The following ARHGAP35 variants were observed in gnomAD, a reference collection of about 807,000 sequenced individuals.
ARHGAP35 encodes Rho GTPase activating protein 35, also known as rho GTPase-activating protein 35.
Under a neutral mutation model 111.1 loss-of-function variants are expected in ARHGAP35, and 15 were observed. The observed-to-expected ratio is 0.13, with a 90% CI of 0.09 to 0.21. The LOEUF (loss-of-function observed/expected upper bound fraction) is 0.21. Ranked by LOEUF, ARHGAP35 falls within the 10% of genes least tolerant of loss-of-function variation. The pLI is 1.00. For missense variants in ARHGAP35, 1,262 were observed against 1,873.0 expected (o/e 0.67, Z 6.02); for synonymous variants, 643 against 710.3 (o/e 0.91, Z 1.51).
intron 1 of ARHGAP35, among the ~76,000 whole-genome samples, chr19:46,863,046 C>T (rs1353763724): frequency 2.0e-5 from 3 of 151,930 alleles, no homozygotes; most frequent in East Asian, 3.9e-4. Context: ...TTGTTTCCTT[C>T]CTCACCTTTT....
chr19:46,959,419 CAA>C (rs536080305), intron 3 of ARHGAP35, among the ~76,000 whole-genome samples: 11 of 150,454 alleles, frequency 7.3e-5, no homozygotes, highest in Non-Finnish European at 1.6e-4. Flanking sequence ...TTTTTTGAGA[CAA>C]GAGTTTCACT....
rs2056742433 is a variant in ARHGAP35 at position 47,000,661 on chromosome 19, C to T, written c.4473C>T (p.Ser1491=). The part of the protein sequence containing the change: ...PQSPMQPLLP[S]QLQAEHTL ...CCCCAATGCAGCCACTGCTTCCCTC[C>T]CAGCTTCAAGCCGAACACACGCTGT... Residue 1491 remains serine (S), a synonymous_variant, in exon 7 of 7, where the codon TCC becomes TCT. Coordinates refer to ENST00000672722, the MANE Select transcript of ARHGAP35 (RefSeq NM_004491.5). This position sits in a 1 kb window ranked among gnomAD's most constrained non-coding sequence, Gnocchi z 6.9. The T allele has an allele frequency of 1.3e-6, 2 of 1,597,866 alleles. No individual in the cohort carries two copies. Among genetic ancestry groups the T allele is most frequent in the Non-Finnish European group, 8.5e-7 (1 of 1,171,228 alleles).
chr19:46,973,683 T>G (rs2122299250), intron 3 of ARHGAP35, among the ~76,000 whole-genome samples: 1 of 150,722 alleles, frequency 6.6e-6, no homozygotes, highest in African/African-American at 2.4e-5. Context: ...AGAGCGAGAC[T>G]CCATCTCAAA....
Position 46,919,979 on chromosome 19 carries a change from C to T in ARHGAP35, c.1304C>T (p.Ala435Val), listed in dbSNP as rs771383091. 2.0e-5 allele frequency: 32 copies of T among 1,613,752 alleles called. No individual in the cohort carries two copies. The Admixed American group carries it at 2.7e-4, about 13-fold the overall frequency. Residue 435 changes from alanine to valine, a missense_variant, in exon 2 of 7, where the codon GCG becomes GTG. Physicochemically the swap from Ala to Val is moderately conservative, Grantham distance 64 (BLOSUM62 0). Coordinates refer to ENST00000672722, the MANE Select transcript of ARHGAP35 (RefSeq NM_004491.5). The surrounding 1 kb of genome is among the most constrained non-coding windows in gnomAD (Gnocchi z 6.2). ...AGGAAAAGAGTTGAGATGCGAAGGG[C>T]GTTTAAAGAAAACCTGGAGACTTCT... ...NERKRVEMRR[A>V]FKENLETSPF... is the part of the protein sequence containing the mutation.
intron 5 of ARHGAP35, among the ~76,000 whole-genome samples, chr19:46,998,507 G>A (rs1204968633): frequency 1.3e-5 from 2 of 152,210 alleles, no homozygotes; most frequent in Admixed American, 1.3e-4. Flanking sequence ...CACCCACTCG[G>A]GGATGGCAAG....
intron 2 of ARHGAP35, among the ~76,000 whole-genome samples, chr19:46,930,147 G>A (rs968830063): frequency 1.3e-5 from 2 of 152,004 alleles, no homozygotes; most frequent in African/African-American, 4.8e-5. Context: ...TTGGCAGATT[G>A]CTTGAGCCCA....
chr19:46,987,649 G>A (rs1478443909), intron 3 of ARHGAP35, among the ~76,000 whole-genome samples: 1 of 152,084 alleles, frequency 6.6e-6, no homozygotes, highest in African/African-American at 2.4e-5. Context: ...AAAGTAATTG[G>A]GTTAAAATAT....
intron 2 of ARHGAP35, among the ~76,000 whole-genome samples, chr19:46,930,949 ACT>A (rs2056269439): frequency 6.6e-6 from 1 of 151,738 alleles, no homozygotes; most frequent in Non-Finnish European, 1.5e-5. Context: ...ACAAACCAAG[ACT>A]CTTGCCTTCT....
At chr19:46,903,865 C>T (rs935711155) in intron 1 of ARHGAP35, among the ~76,000 whole-genome samples, 1 of 151,820 alleles carries the variant, frequency 6.6e-6, no homozygotes, top group Non-Finnish European at 1.5e-5. Flanking sequence ...TTTTGGGCTC[C>T]CCAACAGGAT....
intron 3 of ARHGAP35, among the ~76,000 whole-genome samples, chr19:46,938,541 C>T (rs1254262993): frequency 1.3e-5 from 2 of 151,578 alleles, no homozygotes; most frequent in Non-Finnish European, 2.9e-5. Flanking sequence ...TTAGTAGAGA[C>T]GGGTTTTTGC....
intron 2 of ARHGAP35, among the ~76,000 whole-genome samples, chr19:46,930,132 C>A (rs1201864769): frequency 6.6e-6 from 1 of 151,794 alleles, no homozygotes; most frequent in Non-Finnish European, 1.5e-5. Flanking sequence ...TTTGGGAGGC[C>A]GAGTTTGGCA....
chr19:46,888,087 G>T (rs1325362354), intron 1 of ARHGAP35, among the ~76,000 whole-genome samples: 8 of 149,854 alleles, frequency 5.3e-5, no homozygotes, highest in Non-Finnish European at 8.9e-5. Flanking sequence ...GAGTAGCTGG[G>T]ACTACAGGCG....
At chr19:46,944,563 G>T (rs1417529443) in intron 3 of ARHGAP35, among the ~76,000 whole-genome samples, 2 of 152,080 alleles carry the variant, frequency 1.3e-5, no homozygotes, top group African/African-American at 4.8e-5. Flanking sequence ...CCACCTCCAG[G>T]CCAATTGGAT....
At chr19:46,950,191 CATT>C (rs765934499) in intron 3 of ARHGAP35, among the ~76,000 whole-genome samples, 1 of 152,204 alleles carries the variant, frequency 6.6e-6, no homozygotes, top group African/African-American at 2.4e-5. Context: ...TTTCACTTAA[CATT>C]ATGAGATTCA....
intron 1 of ARHGAP35, among the ~76,000 whole-genome samples, chr19:46,896,417 T>C (rs2122160390): frequency 6.6e-6 from 1 of 152,354 alleles, no homozygotes; most frequent in Non-Finnish European, 1.5e-5. Flanking sequence ...TTTGTAATAG[T>C]ACTTTGAGCA....
Position 46,920,591 on chromosome 19 carries a change from C to T in ARHGAP35, c.1916C>T (p.Pro639Leu). Residue 639 changes from proline to leucine, a missense_variant, in exon 2 of 7, where the codon CCA becomes CTA. Physicochemically the swap from Pro to Leu is moderately conservative, Grantham distance 98. This residue lies in a region of ARHGAP35 where 37 missense variants were observed against 83.9 expected (regional missense o/e 0.44). Coordinates refer to ENST00000672722, the MANE Select transcript of ARHGAP35 (RefSeq NM_004491.5). The surrounding 1 kb of genome is among the most constrained non-coding windows in gnomAD (Gnocchi z 7.0). Reference sequence around the variant, plus strand: ...AAAATGTATGAGCTTTCCCTGAGGCCAATAGAGGGGAATGTCAGGCTTCCT... The same window carrying T: ...AAAATGTATGAGCTTTCCCTGAGGCTAATAGAGGGGAATGTCAGGCTTCCT... ...DGKMYELSLR[P>L]IEGNVRLPVN... is the part of the protein sequence containing the mutation. 6.2e-7 allele frequency: 1 copy of T among 1,613,984 alleles called. No individual in the cohort carries two copies. The highest frequency in any genetic ancestry group is 8.5e-7 in the Non-Finnish European group (1 of 1,179,898).
At chr19:46,916,727 ATT>A (rs35636080) in intron 1 of ARHGAP35, among the ~76,000 whole-genome samples, 6 of 149,954 alleles carry the variant, frequency 4.0e-5, no homozygotes, top group African/African-American at 7.4e-5. Context: ...AGATTCATCT[ATT>A]TTTTTTTTTC....
chr19:46,865,577 G>A (rs1336410658), intron 1 of ARHGAP35, among the ~76,000 whole-genome samples: 1 of 152,176 alleles, frequency 6.6e-6, no homozygotes, highest in Non-Finnish European at 1.5e-5. Context: ...GGGAAGGGTG[G>A]GGGTTGCACA....
intron 3 of ARHGAP35, among the ~76,000 whole-genome samples, chr19:46,956,047 G>A (rs965731083): frequency 2.0e-5 from 3 of 152,232 alleles, no homozygotes; most frequent in Non-Finnish European, 4.4e-5. Flanking sequence ...CCAGGGCACA[G>A]TGGCTCATGC....
Sources: allele counts gnomAD v4.1 joint callset (sites outside exome capture counted in the v4.1 genomes callset), GRCh38; gene constraint gnomAD v4.1.1; regional missense constraint gnomAD v4.1.1; non-coding constraint Gnocchi (gnomAD v3.1); transcripts MANE v1.5; gene names NCBI Gene and HGNC (gene_info 2026-07-23, HGNC 2026-07-21).